POLK: variants seen among roughly 807,000 people sequenced by gnomAD.
POLK encodes polymerase (DNA directed) kappa.
In POLK, 76 loss-of-function variants were observed where a neutral mutation model predicts 94.0. The ratio of observed to expected loss-of-function variants is 0.81; its 90% CI spans 0.67 to 0.98. The LOEUF (loss-of-function observed/expected upper bound fraction) is 0.98, where lower values mean the gene tolerates loss of function less well. Among genes scored for constraint, POLK ranks in the 50% least tolerant of loss-of-function variants. POLK has a pLI of 0.00. For missense variants in POLK, 954 were observed against 1,010.1 expected (o/e 0.94, Z 0.75); for synonymous variants, 349 against 325.4 (o/e 1.07, Z -0.78).
chr5:75,541,298 CA>C (rs946246799), intron 1 of POLK, among the ~76,000 whole-genome samples: 2 of 149,586 alleles, frequency 1.3e-5, no homozygotes, highest in Non-Finnish European at 1.5e-5. Context: ...TCTTCTGTCT[CA>C]AAAAAAAACC....
At chr5:75,585,245 A>G (rs1304806837) in intron 9 of POLK, among the ~76,000 whole-genome samples, 1 of 152,226 alleles carries the variant, frequency 6.6e-6, no homozygotes, top group Non-Finnish European at 1.5e-5. Flanking sequence ...GGAAAGAAAG[A>G]TGGCCGTATT....
chr5:75,568,342 G>A (rs915670611), intron 3 of POLK, among the ~76,000 whole-genome samples: 6 of 152,068 alleles, frequency 3.9e-5, no homozygotes, highest in African/African-American at 1.4e-4. Flanking sequence ...ACTTCCCTAT[G>A]TTGCATAGAT....
At chr5:75,528,911 T>C (rs937877109) in intron 1 of POLK, among the ~76,000 whole-genome samples, 1 of 152,182 alleles carries the variant, frequency 6.6e-6, no homozygotes, top group African/African-American at 2.4e-5. Context: ...TTGGTATCCA[T>C]GGGGGATTGG....
chr5:75,510,809 CGGATTCCTTACA>C (rs1320682178), upstream of POLK, among the ~76,000 whole-genome samples: 1 of 152,158 alleles, frequency 6.6e-6, no homozygotes, highest in Non-Finnish European at 1.5e-5. Flanking sequence ...AAGCCCAACC[CGGATTCCTTACA>C]CCCGGGACAG....
exon 6 of POLK, chr5:75,576,831 G>A (rs139445546): frequency 2.4e-5 from 37 of 1,558,038 alleles, no homozygotes; most frequent in Non-Finnish European, 2.1e-5. Context: ...CATGAGTCTT[G>A]ATGAAGCCTA....
upstream of POLK, chr5:75,511,338 A>T: frequency 6.5e-7 from 1 of 1,544,656 alleles, no homozygotes; most frequent in East Asian, 2.4e-5. Flanking sequence ...GGGGGGGAGC[A>T]GGAGGAGGGA....
chr5:75,511,324 G>A, upstream of POLK: 3 of 1,548,048 alleles, frequency 1.9e-6, no homozygotes, highest in Non-Finnish European at 2.6e-6. Context: ...GCCCGCTCCG[G>A]TGTGGGGGGG....
At chr5:75,576,715 CTACA>C in intron 5 of POLK, 61 bp from the exon 6 acceptor site, 1 of 726,856 alleles carries the variant, frequency 1.4e-6, no homozygotes, top group Non-Finnish European at 2.1e-6. Flanking sequence ...TTCTTATCAG[CTACA>C]TATGACAGAA....
chr5:75,559,012 C>A (rs1378950469), intron 3 of POLK, among the ~76,000 whole-genome samples: 1 of 152,140 alleles, frequency 6.6e-6, no homozygotes, highest in Non-Finnish European at 1.5e-5. Flanking sequence ...CAGAGGCTCT[C>A]TGGCATCTTT....
At chr5:75,522,565 A>T (rs749489648) in intron 1 of POLK, among the ~76,000 whole-genome samples, 5 of 152,198 alleles carry the variant, frequency 3.3e-5, no homozygotes, top group Non-Finnish European at 5.9e-5. Context: ...GCTTTCAAAG[A>T]TGTTATACTG....
At chr5:75,591,175 G>A (rs958982067) in intron 11 of POLK, among the ~76,000 whole-genome samples, 4 of 151,996 alleles carry the variant, frequency 2.6e-5, no homozygotes, top group South Asian at 2.1e-4. Flanking sequence ...AATGTTTCTC[G>A]CATAAAGAAA....
At chr5:75,527,502 TACACAC>T (rs58797043) in intron 1 of POLK, among the ~76,000 whole-genome samples, 5,070 of 133,002 alleles carry the variant, frequency 0.038, 102 homozygotes, top group Non-Finnish European at 0.052. Flanking sequence ...AATTTATATA[TACACAC>T]ACACACACAC....
chr5:75,579,431 A>G (rs1285797726), intron 6 of POLK, among the ~76,000 whole-genome samples: 1 of 151,442 alleles, frequency 6.6e-6, no homozygotes, highest in Non-Finnish European at 1.5e-5. Flanking sequence ...GTACAGTGGC[A>G]CAATCTCAGC....
chr5:75,514,285 T>G (rs2112511833), intron 1 of POLK, among the ~76,000 whole-genome samples: 1 of 152,324 alleles, frequency 6.6e-6, no homozygotes. Flanking sequence ...TATTTAAAAT[T>G]GTGTGTGACA....
intron 10 of POLK, among the ~76,000 whole-genome samples, chr5:75,588,865 C>G (rs1472458521): frequency 6.6e-6 from 1 of 152,194 alleles, no homozygotes; most frequent in Admixed American, 6.5e-5. Flanking sequence ...ACGTTGGGCA[C>G]AGCTGGACAT....
intron 6 of POLK, among the ~76,000 whole-genome samples, chr5:75,578,993 A>G (rs1456597296): frequency 7.2e-5 from 11 of 152,202 alleles, no homozygotes; most frequent in Non-Finnish European, 2.9e-5. Context: ...TGTTTCTGTC[A>G]CAAAGCAAAT....
chr5:75,541,647 A>AT (rs1306795396), intron 1 of POLK, among the ~76,000 whole-genome samples: 13 of 152,288 alleles, frequency 8.5e-5, no homozygotes, highest in Non-Finnish European at 1.5e-5. Flanking sequence ...GATCTGTGGA[A>AT]TTTCATTATT....
At chr5:75,542,434 G>A (rs1463085647) in intron 1 of POLK, among the ~76,000 whole-genome samples, 2 of 151,764 alleles carry the variant, frequency 1.3e-5, no homozygotes, top group Non-Finnish European at 2.9e-5. Context: ...TGATCACAGT[G>A]TGGTTTTTTA....
intron 2 of POLK, among the ~76,000 whole-genome samples, chr5:75,551,379 C>A (rs182601920): frequency 6.6e-5 from 10 of 151,482 alleles, no homozygotes; most frequent in Admixed American, 3.3e-4. Context: ...CCAGCCTGGG[C>A]AACATAATGA....
Sources: gnomAD v4.1 joint callset for allele counts (sites outside exome capture counted in the v4.1 genomes callset) on GRCh38, gnomAD v4.1.1 for gene constraint, MANE v1.5 for transcripts, NCBI Gene and HGNC (gene_info 2026-07-23, HGNC 2026-07-21) for gene names.